The following PTPRD variants were observed in gnomAD, a reference collection of about 807,000 sequenced individuals.
PTPRD encodes the protein receptor-type tyrosine-protein phosphatase delta.
In PTPRD, 34 loss-of-function variants were observed where a neutral mutation model predicts 214.5. The ratio of observed to expected loss-of-function variants is 0.16; its 90% CI spans 0.12 to 0.21. The LOEUF is 0.21. PTPRD is among the 10% of genes least tolerant of loss of function. The probability of loss-of-function intolerance (pLI) is 1.00; values close to 1 mark genes in which losing one functional copy is unlikely to be tolerated. For synonymous variants in PTPRD, 1,128 were observed against 845.7 expected (o/e 1.33, Z -5.79); for missense variants, 2,545 against 2,398.7 (o/e 1.06, Z -1.27).
At chr9:9,926,957 C>T (rs2084538005) in intron 5 of PTPRD, among the ~76,000 whole-genome samples, 1 of 151,950 alleles carries the variant, frequency 6.6e-6, no homozygotes. Flanking sequence ...TGATTTGTAA[C>T]CTTAAGACTA....
At chr9:10,582,178 C>T (rs1166309134) in intron 2 of PTPRD, among the ~76,000 whole-genome samples, 1 of 152,024 alleles carries the variant, frequency 6.6e-6, no homozygotes, top group African/African-American at 2.4e-5. Flanking sequence ...CTCAAGGTGC[C>T]CCTGGATTAA....
At chr9:9,707,237 A>G (rs973327592) in intron 7 of PTPRD, among the ~76,000 whole-genome samples, 1 of 152,156 alleles carries the variant, frequency 6.6e-6, no homozygotes, top group East Asian at 1.9e-4. Flanking sequence ...AATTATGGGT[A>G]TTGTTAATTA....
At chr9:9,435,118 T>G (rs1235459809) in intron 8 of PTPRD, among the ~76,000 whole-genome samples, 1 of 152,028 alleles carries the variant, frequency 6.6e-6, no homozygotes, top group Non-Finnish European at 1.5e-5. Flanking sequence ...CCCGCTTTAC[T>G]TTCTTTATTA....
chr9:8,647,741 A>T lies in PTPRD; in HGVS notation c.65-10897T>A, dbSNP rs188972362. ...AAATAATTCATATATTCATAGCAGCAATGTGTCAGAATGTCCAATTACCTA... is the reference window on the plus strand; with the variant it reads ...AAATAATTCATATATTCATAGCAGCTATGTGTCAGAATGTCCAATTACCTA... On this transcript the variant is annotated intron_variant, in intron 12 of 45. Transcript: ENST00000381196. 2.2e-3 allele frequency among the ~76,000 whole-genome samples: 331 copies of T among 152,360 alleles called. 2 individuals are homozygous for T. The highest frequency in any genetic ancestry group is 3.9e-3 in the Non-Finnish European group (268 of 68,026).
chr9:10,455,436 T>C (rs73390350), intron 2 of PTPRD, among the ~76,000 whole-genome samples: 2,202 of 151,880 alleles, frequency 0.014, 39 homozygotes, highest in African/African-American at 0.044. Flanking sequence ...ATATTTCTTG[T>C]CTTAACCTAT....
chr9:8,424,010 C>A (rs1472189611), intron 35 of PTPRD, among the ~76,000 whole-genome samples: 1 of 152,132 alleles, frequency 6.6e-6, no homozygotes, highest in Non-Finnish European at 1.5e-5. Context: ...CTTTCATCAT[C>A]TTCAAACTTG....
At chr9:8,841,740 G>T (rs977087249) in intron 11 of PTPRD, among the ~76,000 whole-genome samples, 1 of 151,164 alleles carries the variant, frequency 6.6e-6, no homozygotes, top group African/African-American at 2.4e-5. Context: ...AGCCTGGCAC[G>T]GTGGCTCACT....
At chr9:8,503,452 T>C (rs1224022149) in intron 23 of PTPRD, among the ~76,000 whole-genome samples, 1 of 152,184 alleles carries the variant, frequency 6.6e-6, no homozygotes, top group East Asian at 1.9e-4. Context: ...TAGTATTTTT[T>C]ATGAATGAAC....
At chr9:9,190,857 C>A (rs1482362171) in intron 9 of PTPRD, among the ~76,000 whole-genome samples, 1 of 152,070 alleles carries the variant, frequency 6.6e-6, no homozygotes. Flanking sequence ...CCAGTGCATC[C>A]TGACTAATTA....
At chr9:9,207,224 G>A (rs1024545192) in intron 9 of PTPRD, among the ~76,000 whole-genome samples, 2 of 152,096 alleles carry the variant, frequency 1.3e-5, no homozygotes, top group Non-Finnish European at 2.9e-5. Context: ...GTTGGTGTGT[G>A]GTGAGAAAGC....
intron 3 of PTPRD, among the ~76,000 whole-genome samples, chr9:10,170,718 A>G (rs1316662982): frequency 1.3e-5 from 2 of 152,154 alleles, no homozygotes; most frequent in Non-Finnish European, 2.9e-5. Context: ...TTTTCTAAAC[A>G]ATACAGTTAG....
At chr9:8,518,703 T>C (rs1232356446) in intron 20 of PTPRD, among the ~76,000 whole-genome samples, 1 of 152,236 alleles carries the variant, frequency 6.6e-6, no homozygotes, top group African/African-American at 2.4e-5. Flanking sequence ...CTGCACGCAT[T>C]TCTTAACCTC....
intron 7 of PTPRD, among the ~76,000 whole-genome samples, chr9:9,646,949 A>G (rs770979220): frequency 5.9e-5 from 9 of 152,190 alleles, no homozygotes; most frequent in Non-Finnish European, 1.3e-4. Flanking sequence ...ACTGTGGATA[A>G]GCTGGGGAGG....
chr9:9,270,673 T>C (rs1434723682), intron 9 of PTPRD, among the ~76,000 whole-genome samples: 1 of 151,380 alleles, frequency 6.6e-6, no homozygotes, highest in Non-Finnish European at 1.5e-5. Context: ...TGATCTTATT[T>C]ATGTTATAGA....
At chr9:8,870,282 AC>A (rs1214825029) in intron 11 of PTPRD, among the ~76,000 whole-genome samples, 3 of 152,056 alleles carry the variant, frequency 2.0e-5, no homozygotes, top group East Asian at 3.9e-4. Flanking sequence ...CCTCAAAATA[AC>A]CTTTTGTAGA....
intron 12 of PTPRD, among the ~76,000 whole-genome samples, chr9:8,671,000 G>A (rs949529574): frequency 6.6e-6 from 1 of 152,162 alleles, no homozygotes; most frequent in African/African-American, 2.4e-5. Context: ...TGTGTGTGTG[G>A]ATGTGGAGGT....
chr9:10,142,417 C>T (rs76141268), intron 3 of PTPRD, among the ~76,000 whole-genome samples: 2 of 150,688 alleles, frequency 1.3e-5, no homozygotes, highest in Non-Finnish European at 3.0e-5. Flanking sequence ...TGAACTCAAA[C>T]AAATTTACGA....
rs192640962 is a variant in PTPRD at position 8,988,926 on chromosome 9, C to T, written c.-104+29771G>A. Among the ~76,000 whole-genome samples, 464 of 152,124 alleles carry T rather than the reference C, an allele frequency of 3.1e-3. 1 individual carries two copies. The highest frequency in any genetic ancestry group is 5.3e-3 in the Non-Finnish European group (359 of 67,960). ...ATTGGCATGAATGAATGTAAATTGACGCATTCAGAATTGGGAAAGCTAGAT... is the reference window on the plus strand; with the variant it reads ...ATTGGCATGAATGAATGTAAATTGATGCATTCAGAATTGGGAAAGCTAGAT... On this transcript the variant is annotated intron_variant, in intron 11 of 45. Coordinates refer to ENST00000381196, the MANE Select transcript of PTPRD (RefSeq NM_002839.4).
At chr9:9,026,450 C>T (rs1309026887) in intron 10 of PTPRD, among the ~76,000 whole-genome samples, 1 of 151,920 alleles carries the variant, frequency 6.6e-6, no homozygotes, top group Admixed American at 6.6e-5. Context: ...CAATAAAGAT[C>T]AAGCCTATTA....
Sources: allele counts gnomAD v4.1 joint callset (sites outside exome capture counted in the v4.1 genomes callset), GRCh38; gene constraint gnomAD v4.1.1; transcripts MANE v1.5; gene names NCBI Gene and HGNC (gene_info 2026-07-23, HGNC 2026-07-21).